The following PTGDR variants were observed in gnomAD, a reference collection of about 807,000 sequenced individuals.
PTGDR encodes the protein prostaglandin D2 receptor.
A neutral mutation model predicts 17.4 loss-of-function variants in PTGDR; 19 were observed. The ratio of observed to expected loss-of-function variants is 1.09; its 90% CI spans 0.76 to 1.60. PTGDR has a LOEUF of 1.60. PTGDR is among the 40% of genes most tolerant of loss of function. The pLI is 0.00. For synonymous variants in PTGDR, 267 were observed against 224.2 expected (o/e 1.19, Z -1.71); for missense variants, 526 against 481.9 (o/e 1.09, Z -0.86).
chr14:52,268,309 G>A lies in PTGDR; in HGVS notation c.495G>A (p.Ala165=), dbSNP rs766542375. ...VVSAFSLAFC[A]LPFMGFGKFV... is the part of the protein sequence containing the mutation. The stretch of plus-strand genomic sequence containing the variant: ...GCGCCTTCTCCCTGGCTTTCTGCGC[G>A]CTACCTTTCATGGGCTTCGGGAAGT... Residue 165 remains alanine (A), a synonymous_variant, in exon 1 of 2, where the codon GCG becomes GCA. Transcript: ENST00000306051. 4 of 1,613,888 alleles carry A rather than the reference G, an allele frequency of 2.5e-6. No homozygotes were observed. Among genetic ancestry groups the A allele is most frequent in the Middle Eastern group, 1.6e-4 (1 of 6,062 alleles).
chr14:52,269,146 A>G (rs1481653986), intron 1 of PTGDR, among the ~76,000 whole-genome samples: 1 of 152,188 alleles, frequency 6.6e-6, no homozygotes, highest in Non-Finnish European at 1.5e-5. Flanking sequence ...GTGTTGGCAT[A>G]GAAAGGGAAA....
chr14:52,267,809 C>A lies in PTGDR; in HGVS notation c.-6C>A. On this transcript the variant is annotated 5_prime_UTR_variant, in exon 1 of 2. Transcript: ENST00000306051. ...CCTTCACTCCAGCCCTCTGCTCCCG[C>A]ACGCCATGAAGTCGCCGTTCTACCG... The A allele has an allele frequency of 6.5e-7, 1 of 1,548,258 alleles. No homozygotes were observed.
rs757202954 is a variant in PTGDR, at chr14:52,267,819, A to G, written c.5A>G (p.Lys2Arg). 3.9e-6 allele frequency: 6 copies of G among 1,554,902 alleles called. No homozygotes were observed. The highest frequency in any genetic ancestry group is 5.2e-6 in the Non-Finnish European group (6 of 1,149,766). ...AGCCCTCTGCTCCCGCACGCCATGA[A>G]GTCGCCGTTCTACCGCTGCCAGAAC... Reference protein sequence around the residue: MKSPFYRCQNTT... With the variant: MRSPFYRCQNTT... The change falls in exon 1 of 2, where the codon AAG (lysine) becomes AGG (arginine). Residue 2 changes from lysine (K) to arginine (R), a missense_variant. Physicochemically the swap from Lys to Arg is conservative, Grantham distance 26. Coordinates refer to ENST00000306051, the MANE Select transcript of PTGDR (RefSeq NM_000953.3).
chr14:52,272,474 A>C (rs1352791016), intron 1 of PTGDR, among the ~76,000 whole-genome samples: 2 of 151,782 alleles, frequency 1.3e-5, no homozygotes, highest in African/African-American at 4.9e-5. Context: ...CTTAAAAAAA[A>C]AAAAAAAATA....
chr14:52,268,714 G>GAT, intron 1 of PTGDR, 54 bp downstream of exon 1: 3 of 1,506,232 alleles, frequency 2.0e-6, no homozygotes, highest in Non-Finnish European at 1.8e-6. Flanking sequence ...GGCCGCGGAT[G>GAT]CGGGGCGGGA....
chr14:52,267,758 G>C lies in PTGDR; in HGVS notation c.-57G>C, dbSNP rs2033225649. On this transcript the variant is annotated 5_prime_UTR_variant, in exon 1 of 2. Coordinates refer to ENST00000306051, the MANE Select transcript of PTGDR (RefSeq NM_000953.3). ...CTGCCGGGGGCTCCTTAGCACCCGG[G>C]CGCCGGGGCCCTCGCCCTTCCGCAG... 1 of 1,483,396 alleles carries C rather than the reference G, an allele frequency of 6.7e-7. No homozygotes were observed. 91.9% of individuals were successfully genotyped at this position (1,483,396 alleles called of 1,614,324 possible).
At chr14:52,277,036 G>A (rs191681458), downstream of PTGDR, among the ~76,000 whole-genome samples, 6 of 152,110 alleles carry the variant, frequency 3.9e-5, no homozygotes, top group East Asian at 7.7e-4. Context: ...CCAACTCTTC[G>A]GTAATCTGTA....
Position 52,268,647 on chromosome 14 carries a change from C to T in PTGDR, c.833C>T (p.Ser278Phe). 6.3e-7 allele frequency: 1 copy of T among 1,575,782 alleles called. No homozygotes were observed. The highest frequency in any genetic ancestry group is 1.4e-5 in the African/African-American group (1 of 74,068). Reference protein sequence around the residue: ...ALMTVLFTMCSLPVIYRAYYG... With the variant: ...ALMTVLFTMCFLPVIYRAYYG... The stretch of plus-strand genomic sequence containing the variant: ...ATGACCGTGCTCTTCACTATGTGTT[C>T]TCTGCCCGTAATTGTGAGTCCCCGG... Residue 278 changes from serine (S) to phenylalanine (F), a missense_variant, in exon 1 of 2, where the codon TCT becomes TTT. By Grantham distance (155) the Ser-to-Phe change is radical. Transcript: ENST00000306051.
downstream of PTGDR, among the ~76,000 whole-genome samples, chr14:52,280,495 C>A (rs2033474833): frequency 6.6e-6 from 1 of 152,200 alleles, no homozygotes; most frequent in African/African-American, 2.4e-5. Flanking sequence ...AAGCTACATA[C>A]CTCCTTCACA....
At position 52,268,354 on chromosome 14, in the gene PTGDR, C is replaced by A; in HGVS notation, c.540C>A (p.Gly180=). Residue 180 remains glycine (G), a synonymous_variant, in exon 1 of 2, where the codon GGC becomes GGA. Transcript: ENST00000306051. Reference sequence around the variant, plus strand: ...GGAAGTTCGTGCAGTACTGCCCCGGCACCTGGTGCTTTATCCAGATGGTCC... The same window carrying A: ...GGAAGTTCGTGCAGTACTGCCCCGGAACCTGGTGCTTTATCCAGATGGTCC... ...GFGKFVQYCP[G]TWCFIQMVHE... is the part of the protein sequence containing the mutation. The A allele has an allele frequency of 6.2e-7, 1 of 1,613,354 alleles. No homozygotes were observed. The highest frequency in any genetic ancestry group is 1.3e-5 in the African/African-American group (1 of 75,076).
In PTGDR at chr14:52,268,500, A is replaced by G. The variant is rs760762229; in HGVS notation, c.686A>G (p.His229Arg). The G allele has an allele frequency of 1.1e-5, 18 of 1,610,860 alleles. No homozygotes were observed. Among genetic ancestry groups the G allele is most frequent in the Admixed American group, 1.7e-5 (1 of 59,974 alleles). The change falls in exon 1 of 2, where the codon CAC becomes CGC. Residue 229 changes from histidine to arginine, a missense_variant. Transcript: ENST00000306051. ...LGAMRNLYAM[H>R]RRLQRHPRSC... ...GCCATGCGCAACCTCTATGCGATGC[A>G]CCGGCGGCTGCAGCGGCACCCGCGC...
At position 52,268,630 on chromosome 14, in the gene PTGDR, G is replaced by C; in HGVS notation, c.816G>C (p.Val272=). The change falls in exon 1 of 2, where the codon GTG becomes GTC. Residue 272 remains valine, a synonymous_variant. Coordinates refer to ENST00000306051, the MANE Select transcript of PTGDR (RefSeq NM_000953.3). ...TCCTGCTGCTGGCGCTGATGACCGT[G>C]CTCTTCACTATGTGTTCTCTGCCCG... ...DHLLLLALMT[V]LFTMCSLPVI... 2 of 1,598,908 alleles carry C rather than the reference G, an allele frequency of 1.3e-6. No homozygotes were observed. The highest frequency in any genetic ancestry group is 1.7e-6 in the Non-Finnish European group (2 of 1,173,188).
At chr14:52,272,408 A>ATT (rs777268959) in intron 1 of PTGDR, among the ~76,000 whole-genome samples, 1 of 151,800 alleles carries the variant, frequency 6.6e-6, no homozygotes, top group Non-Finnish European at 1.5e-5. Flanking sequence ...TCAAGGCTGC[A>ATT]TTGAGCCTTG....
At chr14:52,280,614 G>C (rs2033475842), downstream of PTGDR, among the ~76,000 whole-genome samples, 1 of 152,166 alleles carries the variant, frequency 6.6e-6, no homozygotes, top group Non-Finnish European at 1.5e-5. Flanking sequence ...CACAGGTGTG[G>C]GGACATAGGA....
Position 52,267,758 on chromosome 14 carries a change from G to T in PTGDR, c.-57G>T. 2 of 1,483,518 alleles carry T rather than the reference G, an allele frequency of 1.3e-6. No homozygotes were observed. Among genetic ancestry groups the T allele is most frequent in the East Asian group, 4.7e-5 (2 of 42,208 alleles). The allele number at this position is 1,483,518 out of a possible 1,614,324, so 91.9% of individuals were successfully genotyped here. A position where few individuals can be genotyped will look rare whatever the true frequency, so the allele number is the denominator to read the frequency against. ...CTGCCGGGGGCTCCTTAGCACCCGGGCGCCGGGGCCCTCGCCCTTCCGCAG... is the reference window on the plus strand; with the variant it reads ...CTGCCGGGGGCTCCTTAGCACCCGGTCGCCGGGGCCCTCGCCCTTCCGCAG... On this transcript the variant is annotated 5_prime_UTR_variant, in exon 1 of 2. Coordinates refer to ENST00000306051, the MANE Select transcript of PTGDR (RefSeq NM_000953.3).
downstream of PTGDR, among the ~76,000 whole-genome samples, chr14:52,278,769 G>C (rs1281263992): frequency 6.6e-6 from 1 of 152,060 alleles, no homozygotes; most frequent in Non-Finnish European, 1.5e-5. Context: ...ATATTTCTTT[G>C]GACTGCTGCA....
Position 52,267,713 on chromosome 14 carries a change from C to A in PTGDR, c.-102C>A. The stretch of plus-strand genomic sequence containing the variant: ...AGCTTTTTCTGTGGCGCAGCTTCTC[C>A]GCCCGAGCCGCGCGCGGAGCTGCCG... On this transcript the variant is annotated 5_prime_UTR_variant, in exon 1 of 2. Transcript: ENST00000306051. 1 of 1,432,348 alleles carries A rather than the reference C, an allele frequency of 7.0e-7. No individual in the cohort carries two copies. Among genetic ancestry groups the A allele is most frequent in the Non-Finnish European group, 9.1e-7 (1 of 1,100,078 alleles). The allele number at this position is 1,432,348 out of a possible 1,614,324, so 88.7% of individuals were successfully genotyped here.
Position 52,267,796 on chromosome 14 carries a change from C to G in PTGDR, c.-19C>G, listed in dbSNP as rs1201490800. ...CGCCCTTCCGCAGCCTTCACTCCAGCCCTCTGCTCCCGCACGCCATGAAGT... is the reference window on the plus strand; with the variant it reads ...CGCCCTTCCGCAGCCTTCACTCCAGGCCTCTGCTCCCGCACGCCATGAAGT... On this transcript the variant is annotated 5_prime_UTR_variant, in exon 1 of 2. Coordinates refer to ENST00000306051, the MANE Select transcript of PTGDR (RefSeq NM_000953.3). 2.6e-6 allele frequency: 4 copies of G among 1,536,910 alleles called. No homozygotes were observed. In the Admixed American group the frequency reaches 8.0e-5, roughly 31 times the overall value.
chr14:52,274,847 G>C lies in PTGDR; in HGVS notation c.963G>C (p.Trp321Cys), dbSNP rs766285190. The C allele has an allele frequency of 1.2e-6, 2 of 1,610,404 alleles. No individual in the cohort carries two copies. The highest frequency in any genetic ancestry group is 1.7e-6 in the Non-Finnish European group (2 of 1,176,734). ...FLSVISIVDP[W>C]IFIIFRSPVF... ...CTGTGATTTCAATTGTGGACCCTTG[G>C]ATTTTTATCATTTTCAGATCTCCAG... Residue 321 changes from tryptophan (W) to cysteine (C), a missense_variant, in exon 2 of 2, where the codon TGG (tryptophan) becomes TGC (cysteine). Trp to Cys is a radical substitution (Grantham distance 215). Coordinates refer to ENST00000306051, the MANE Select transcript of PTGDR (RefSeq NM_000953.3).
Sources: allele counts gnomAD v4.1 joint callset (sites outside exome capture counted in the v4.1 genomes callset), GRCh38; gene constraint gnomAD v4.1.1; transcripts MANE v1.5; gene names NCBI Gene and HGNC (gene_info 2026-07-23, HGNC 2026-07-21).